The following FAM161B variants were observed in gnomAD, a reference collection of about 807,000 sequenced individuals.
FAM161B encodes the protein protein FAM161B.
A neutral mutation model predicts 61.5 loss-of-function variants in FAM161B; 46 were observed. That is an observed-to-expected ratio of 0.75 (90% CI 0.59 to 0.96). The LOEUF (loss-of-function observed/expected upper bound fraction) is 0.96. FAM161B is among the 40% of genes least tolerant of loss of function. The probability of loss-of-function intolerance (pLI) is 0.00; values close to 1 mark genes in which losing one functional copy is unlikely to be tolerated. For missense variants in FAM161B, 774 were observed against 800.7 expected (o/e 0.97, Z 0.40); for synonymous variants, 284 against 302.7 (o/e 0.94, Z 0.64).
chr14:73,924,599 T>C, the FAM161B span: 3 of 407,144 alleles, frequency 7.4e-6, no homozygotes, highest in Non-Finnish European at 1.4e-5. Flanking sequence ...GCATAAACTT[T>C]TGTCAAAACC....
chr14:73,942,575 C>A lies in FAM161B; in HGVS notation c.1066G>T (p.Gly356Trp). 6.2e-7 allele frequency: 1 copy of A among 1,614,224 alleles called. No individual in the cohort carries two copies. Among genetic ancestry groups the A allele is most frequent in the South Asian group, 1.1e-5 (1 of 91,086 alleles). Residue 356 changes from glycine to tryptophan, a missense_variant, in exon 4 of 9, where the codon GGG (glycine) becomes TGG (tryptophan). Coordinates refer to ENST00000286544, the MANE Select transcript of FAM161B (RefSeq NM_152445.3). ...AATCTGAAGTTAGTGTGCAGAAACC[C>A]AAGCTTTTCCTGCTGGGTTCGGGTG... ...TATRTQQEKL[G>W]FLHTNFRFQP...
Position 73,932,443 on chromosome 14 carries a change from G to GTGA in FAM161B, c.*1810_*1812dup. ...GAACATCTTCATTTCTTAAGCCCAG[G>GTGA]TGATAGTTACTCTGTCACCACCAAA... On this transcript the variant is annotated 3_prime_UTR_variant, in exon 9 of 9. Transcript: ENST00000286544. 2 of 454,124 alleles carry GTGA rather than the reference G, an allele frequency of 4.4e-6. No homozygotes were observed. The highest frequency in any genetic ancestry group is 3.1e-5 in the South Asian group (2 of 64,250). The allele number at this position is 454,124 out of a possible 1,614,324, so 28.1% of individuals were successfully genotyped here.
rs1566672736 is a variant in FAM161B, at chr14:73,936,069, G to C, written c.1685C>G (p.Ala562Gly). ...QVAKDLAKKE[A>G]EQWYLDTLKQ... is the part of the protein sequence containing the mutation. ...CAGGGTGTCTAGATACCACTGTTCT[G>C]CTTCTTTCTTGGCTAGATCCTGTGG... is the stretch of plus-strand genomic sequence containing the variant. The change falls in exon 8 of 9, where the codon GCA (alanine) becomes GGA (glycine). Residue 562 changes from alanine to glycine, a missense_variant. Physicochemically the swap from Ala to Gly is moderately conservative, Grantham distance 60. Transcript: ENST00000286544. 1 of 1,609,036 alleles carries C rather than the reference G, an allele frequency of 6.2e-7. No individual in the cohort carries two copies. The highest frequency in any genetic ancestry group is 1.7e-5 in the Admixed American group (1 of 59,368).
chr14:73,933,079 T>C lies in FAM161B; in HGVS notation c.*1177A>G, dbSNP rs1477325679. The stretch of plus-strand genomic sequence containing the variant: ...ATTCTAAACAGATAACGGGAGAGAA[T>C]TGTTTTAAATTCTTAATTTGTTAAT... On this transcript the variant is annotated 3_prime_UTR_variant, in exon 9 of 9. Transcript: ENST00000286544. 1 of 152,544 alleles carries C rather than the reference T, an allele frequency of 6.6e-6. No individual in the cohort carries two copies. Among genetic ancestry groups the C allele is most frequent in the Non-Finnish European group, 1.5e-5 (1 of 68,346 alleles). 9.4% of individuals were successfully genotyped at this position (152,544 alleles called of 1,614,324 possible).
Position 73,942,456 on chromosome 14 carries a change from G to A in FAM161B, c.1185C>T (p.Ala395=). The change falls in exon 4 of 9, where the codon GCC becomes GCT. Residue 395 remains alanine, a synonymous_variant. Coordinates refer to ENST00000286544, the MANE Select transcript of FAM161B (RefSeq NM_152445.3). ...RAAKRRETQE[A]TRNKPFLLRT... ...TCAGCAAGAAGGGCTTGTTGCGAGTGGCCTCTTGGGTTTCTCTTCTTTTGG... is the reference window on the plus strand; with the variant it reads ...TCAGCAAGAAGGGCTTGTTGCGAGTAGCCTCTTGGGTTTCTCTTCTTTTGG... 3 of 1,614,210 alleles carry A rather than the reference G, an allele frequency of 1.9e-6. No homozygotes were observed. Among genetic ancestry groups the A allele is most frequent in the Non-Finnish European group, 2.5e-6 (3 of 1,180,044 alleles).
chr14:73,923,447 A>T, the FAM161B span: 1 of 1,614,120 alleles, frequency 6.2e-7, no homozygotes, highest in Non-Finnish European at 8.5e-7. Flanking sequence ...CTGATGTGAC[A>T]CATCACCTGG....
At position 73,932,801 on chromosome 14, in the gene FAM161B, T is replaced by G. The variant is rs1440617259; in HGVS notation, c.*1455A>C. On this transcript the variant is annotated 3_prime_UTR_variant, in exon 9 of 9. Coordinates refer to ENST00000286544, the MANE Select transcript of FAM161B (RefSeq NM_152445.3). ...CACCAGTCCAGCTAACTTTTTGTGG[T>G]TTTTTTGGTAGAAATGAGGTCTGTG... is the stretch of plus-strand genomic sequence containing the variant. 1 of 211,874 alleles carries G rather than the reference T, an allele frequency of 4.7e-6. No individual in the cohort carries two copies. Among genetic ancestry groups the G allele is most frequent in the South Asian group, 7.0e-5 (1 of 14,380 alleles). 13.1% of individuals were successfully genotyped at this position (211,874 alleles called of 1,614,324 possible). A position where few individuals can be genotyped will look rare whatever the true frequency, so the allele number is the denominator to read the frequency against.
rs2056026908 is a variant in FAM161B at position 73,942,409 on chromosome 14, G to A, written c.1232C>T (p.Pro411Leu). Residue 411 changes from proline (P) to leucine (L), a missense_variant, in exon 4 of 9, where the codon CCT becomes CTT. Transcript: ENST00000286544. ...GGTGGCAGCATCACAGGGCCGCTGA[G>A]GGTGGCGCAGGTTGGCGGTCCTCAG... is the stretch of plus-strand genomic sequence containing the variant. ...FLLRTANLRHPQRPCDAATTG... is the reference protein window; with the variant it reads ...FLLRTANLRHLQRPCDAATTG... The A allele has an allele frequency of 1.2e-6, 2 of 1,614,216 alleles. No individual in the cohort carries two copies. The highest frequency in any genetic ancestry group is 1.7e-6 in the Non-Finnish European group (2 of 1,180,048).
At chr14:73,940,239 A>G (rs983202119) in intron 5 of FAM161B, among the ~76,000 whole-genome samples, 6 of 152,214 alleles carry the variant, frequency 3.9e-5, no homozygotes, top group Non-Finnish European at 5.9e-5. Context: ...TGAGAACATC[A>G]TAACAGAATC....
At position 73,944,733 on chromosome 14, in the gene FAM161B, C is replaced by T. The variant is rs997993404; in HGVS notation, c.527G>A (p.Arg176His). Reference protein sequence around the residue: ...ASSITVPRPFRMTLREARKKA... With the variant: ...ASSITVPRPFHMTLREARKKA... ...CTTCCGGGCCTCGCGCAGCGTCATG[C>T]GGAATGGCCGAGGGACAGTAATGGA... Residue 176 changes from arginine (R) to histidine (H), a missense_variant, in exon 3 of 9, where the codon CGC becomes CAC. Transcript: ENST00000286544. The T allele has an allele frequency of 6.9e-6, 11 of 1,600,314 alleles. No individual in the cohort carries two copies. The highest frequency in any genetic ancestry group is 3.4e-5 in the Admixed American group (2 of 59,178).
chr14:73,946,714 A>C (rs2056070556), intron 1 of FAM161B, 109 bp from the exon 2 acceptor site: 1 of 1,187,378 alleles, frequency 8.4e-7, no homozygotes, highest in Non-Finnish European at 1.2e-6. Flanking sequence ...GACTGGGGAG[A>C]ATTTGGGGTC....
chr14:73,946,260 G>A, intron 2 of FAM161B, 26 bp downstream of exon 2: 11 of 1,598,434 alleles, frequency 6.9e-6, no homozygotes, highest in Non-Finnish European at 9.4e-6. Context: ...GTGGAGTGAG[G>A]CAGCCGTGGA....
Position 73,934,082 on chromosome 14 carries a change from A to C in FAM161B, c.*174T>G, listed in dbSNP as rs985794513. The stretch of plus-strand genomic sequence containing the variant: ...GATGATCTGCCTGCCTCAGCCTCCC[A>C]AAGTGTTGGGATTACAGGCGTGAGC... On this transcript the variant is annotated 3_prime_UTR_variant, in exon 9 of 9. Coordinates refer to ENST00000286544, the MANE Select transcript of FAM161B (RefSeq NM_152445.3). 9 of 679,264 alleles carry C rather than the reference A, an allele frequency of 1.3e-5. No individual in the cohort carries two copies. The highest frequency in any genetic ancestry group is 2.1e-5 in the Non-Finnish European group (9 of 434,258). The allele number at this position is 679,264 out of a possible 1,614,324, so 42.1% of individuals were successfully genotyped here.
At chr14:73,928,862 C>T (rs2055871691), downstream of FAM161B, among the ~76,000 whole-genome samples, 1 of 152,092 alleles carries the variant, frequency 6.6e-6, no homozygotes, top group South Asian at 2.1e-4. Context: ...GCAGGAGGAT[C>T]AACTTGAGCC....
downstream of FAM161B, among the ~76,000 whole-genome samples, chr14:73,929,015 A>G (rs1334470680): frequency 6.6e-6 from 1 of 152,208 alleles, no homozygotes; most frequent in Non-Finnish European, 1.5e-5. Flanking sequence ...ATGGAAGCCC[A>G]AAACACTTAG....
At chr14:73,944,188 A>G (rs754447422) in intron 3 of FAM161B, 147 bp downstream of exon 3, 18 of 1,299,666 alleles carry the variant, frequency 1.4e-5, no homozygotes, top group Non-Finnish European at 1.8e-5. Context: ...ACCCTCCCCA[A>G]TGGCCTGCAC....
At position 73,944,566 on chromosome 14, in the gene FAM161B, CTTGG is replaced by C. The variant is rs2056047972; in HGVS notation, c.690_693del (p.Tyr230Ter). On this transcript the variant is annotated frameshift_variant, in exon 3 of 9. Transcript: ENST00000286544. LOFTEE classifies it high-confidence loss of function. The stretch of plus-strand genomic sequence containing the variant: ...CGGGCCTCGCTGCGCTCCATGATCT[CTTGG>C]TAGAGGGGCAGGTAGACATGTGCAG... 6.2e-7 allele frequency: 1 copy of C among 1,613,938 alleles called. No individual in the cohort carries two copies. Among genetic ancestry groups the C allele is most frequent in the African/African-American group, 1.3e-5 (1 of 74,876 alleles).
rs762066503 is a variant in FAM161B at position 73,932,919 on chromosome 14, G to A, written c.*1337C>T. 10 of 153,308 alleles carry A rather than the reference G, an allele frequency of 6.5e-5. No individual in the cohort carries two copies. Among genetic ancestry groups the A allele is most frequent in the African/African-American group, 9.6e-5 (4 of 41,526 alleles). The allele number at this position is 153,308 out of a possible 1,614,324, so 9.5% of individuals were successfully genotyped here. A position where few individuals can be genotyped will look rare whatever the true frequency, so the allele number is the denominator to read the frequency against. ...GATTACAAGCATGAACCACTGCACCGAGCCAGAATATCCAATTATTATTGG... is the reference window on the plus strand; with the variant it reads ...GATTACAAGCATGAACCACTGCACCAAGCCAGAATATCCAATTATTATTGG... On this transcript the variant is annotated 3_prime_UTR_variant, in exon 9 of 9. Transcript: ENST00000286544.
intron 2 of FAM161B, among the ~76,000 whole-genome samples, chr14:73,945,211 T>C (rs1483112644): frequency 6.6e-6 from 1 of 152,214 alleles, no homozygotes. Context: ...AAAGTTCTGT[T>C]AAAACCTCAA....
Sources: gnomAD v4.1 joint callset for allele counts (sites outside exome capture counted in the v4.1 genomes callset) on GRCh38, gnomAD v4.1.1 for gene constraint, MANE v1.5 for transcripts, NCBI Gene and HGNC (gene_info 2026-07-23, HGNC 2026-07-21) for gene names.